The following TAFA2 variants were observed in gnomAD, a reference collection of about 807,000 sequenced individuals.
TAFA2 encodes TAFA chemokine like family member 2, also known as chemokine-like protein TAFA-2.
In TAFA2, 7 loss-of-function variants were observed where a neutral mutation model predicts 18.8. That is an observed-to-expected ratio of 0.37 (90% CI 0.21 to 0.70). The LOEUF is 0.70. Ranked by LOEUF, TAFA2 falls within the 30% of genes least tolerant of loss-of-function variation. The pLI is 0.53. For missense variants in TAFA2, 122 were observed against 158.1 expected, an observed-to-expected ratio of 0.77 and a Z score of 1.23; for synonymous variants, 60 against 54.2, an observed-to-expected ratio of 1.11 and a Z score of -0.47.
At chr12:61,754,342 C>T (rs1869163108) in intron 3 of TAFA2, among the ~76,000 whole-genome samples, 1 of 151,590 alleles carries the variant, frequency 6.6e-6, no homozygotes, top group South Asian at 2.1e-4. Flanking sequence ...TAAATAAATG[C>T]ATATAAAGAT....
chr12:62,204,113 T>C (rs1187861167), intron 1 of TAFA2, among the ~76,000 whole-genome samples: 1 of 152,206 alleles, frequency 6.6e-6, no homozygotes, highest in Non-Finnish European at 1.5e-5. Context: ...TGGCCAGATA[T>C]GAAATTCTGG....
chr12:62,019,463 A>G (rs1430200620), intron 1 of TAFA2, among the ~76,000 whole-genome samples: 1 of 148,932 alleles, frequency 6.7e-6, no homozygotes, highest in East Asian at 2.0e-4. Context: ...AATGTGGCAC[A>G]TATACACCAT....
At chr12:61,911,607 A>G (rs1236139233) in intron 1 of TAFA2, among the ~76,000 whole-genome samples, 2 of 152,304 alleles carry the variant, frequency 1.3e-5, no homozygotes, top group Non-Finnish European at 1.5e-5. Flanking sequence ...CTTCTCATGC[A>G]TTTAATAAGC....
At chr12:61,909,859 A>C (rs576036675) in intron 1 of TAFA2, among the ~76,000 whole-genome samples, 9 of 152,320 alleles carry the variant, frequency 5.9e-5, no homozygotes, top group African/African-American at 2.2e-4. Context: ...AATCTGCTTA[A>C]GGAAAAATTT....
intron 1 of TAFA2, among the ~76,000 whole-genome samples, chr12:62,076,848 G>A (rs1868251304): frequency 6.6e-6 from 1 of 152,174 alleles, no homozygotes; most frequent in Non-Finnish European, 1.5e-5. Flanking sequence ...GAAGGCCCTG[G>A]AGATGTGCAG....
chr12:62,034,648 T>C (rs1881552085), intron 1 of TAFA2, among the ~76,000 whole-genome samples: 1 of 152,108 alleles, frequency 6.6e-6, no homozygotes, highest in Non-Finnish European at 1.5e-5. Context: ...AAATGATCCC[T>C]TATTCTCAAC....
chr12:62,134,104 C>G (rs1379678657), intron 1 of TAFA2, among the ~76,000 whole-genome samples: 1 of 151,870 alleles, frequency 6.6e-6, no homozygotes, highest in Non-Finnish European at 1.5e-5. Context: ...TCTTCCCCTT[C>G]TTATGCTTGG....
At chr12:61,825,048 CT>C (rs1316800407) in intron 2 of TAFA2, among the ~76,000 whole-genome samples, 1 of 152,104 alleles carries the variant, frequency 6.6e-6, no homozygotes, top group Non-Finnish European at 1.5e-5. Flanking sequence ...TGGGTAATAT[CT>C]CAATAACCAG....
At chr12:61,921,854 G>T (rs75290387) in intron 1 of TAFA2, among the ~76,000 whole-genome samples, 3 of 152,242 alleles carry the variant, frequency 2.0e-5, no homozygotes, top group Admixed American at 2.0e-4. Context: ...AGGGAAAAGA[G>T]GAGGAACCAG....
chr12:62,036,483 T>A (rs546725025), intron 1 of TAFA2, among the ~76,000 whole-genome samples: 1 of 152,184 alleles, frequency 6.6e-6, no homozygotes, highest in African/African-American at 2.4e-5. Context: ...GGGCCACTAG[T>A]TATGTACTTC....
chr12:61,760,471 G>A (rs566991053), intron 2 of TAFA2, among the ~76,000 whole-genome samples: 6 of 150,250 alleles, frequency 4.0e-5, no homozygotes, highest in African/African-American at 9.8e-5. Context: ...GTATGCATAC[G>A]TTTAGTTTTC....
intron 1 of TAFA2, among the ~76,000 whole-genome samples, chr12:61,874,395 G>T (rs1419384985): frequency 6.6e-6 from 1 of 152,108 alleles, no homozygotes; most frequent in African/African-American, 2.4e-5. Flanking sequence ...GTTCAGTAAA[G>T]AAGTCAACCC....
chr12:62,051,958 AAG>A (rs1882065556), intron 1 of TAFA2, among the ~76,000 whole-genome samples: 1 of 152,130 alleles, frequency 6.6e-6, no homozygotes, highest in Admixed American at 6.5e-5. Flanking sequence ...TGTAGTATGA[AAG>A]CACTAATAGA....
At chr12:62,243,688 GC>G (rs1181090903) in intron 1 of TAFA2, among the ~76,000 whole-genome samples, 1 of 152,186 alleles carries the variant, frequency 6.6e-6, no homozygotes, top group African/African-American at 2.4e-5. Context: ...AAATGACCCT[GC>G]CCAGTGAATT....
At chr12:62,004,788 T>C (rs1289669923) in intron 1 of TAFA2, among the ~76,000 whole-genome samples, 1 of 152,058 alleles carries the variant, frequency 6.6e-6, no homozygotes, top group Non-Finnish European at 1.5e-5. Flanking sequence ...TAAGTGTCTA[T>C]CGACGGGTGA....
At chr12:61,848,719 CA>C (rs34172882) in intron 2 of TAFA2, among the ~76,000 whole-genome samples, 14,763 of 126,724 alleles carry the variant, frequency 0.12, 860 homozygotes, top group East Asian at 0.2. Flanking sequence ...ACATGGCCAG[CA>C]AAAAAAAAAA....
intron 1 of TAFA2, among the ~76,000 whole-genome samples, chr12:61,943,491 T>A (rs1229383809): frequency 6.9e-6 from 1 of 144,182 alleles, no homozygotes; most frequent in Admixed American, 6.9e-5. Context: ...ATGCTCCAAT[T>A]AAAAGACACA....
chr12:61,851,647 G>A (rs796364023), intron 2 of TAFA2, among the ~76,000 whole-genome samples: 3 of 150,634 alleles, frequency 2.0e-5, no homozygotes, highest in African/African-American at 7.3e-5. Flanking sequence ...TGGCGGCGGG[G>A]GCCTATAGTC....
chr12:61,840,580 T>C (rs923710445), intron 2 of TAFA2, among the ~76,000 whole-genome samples: 2 of 152,024 alleles, frequency 1.3e-5, no homozygotes, highest in African/African-American at 2.4e-5. Flanking sequence ...GAATATAGTC[T>C]CAACCAGGGA....
Sources: gnomAD v4.1 joint callset for allele counts (sites outside exome capture counted in the v4.1 genomes callset) on GRCh38, gnomAD v4.1.1 for gene constraint, MANE v1.5 for transcripts, NCBI Gene and HGNC (gene_info 2026-07-23, HGNC 2026-07-21) for gene names.